Variants in CAST observed in about 807,000 individuals in gnomAD.
CAST encodes the protein MIR583 host.
In CAST, 76 loss-of-function variants were observed where a neutral mutation model predicts 119.6. The observed-to-expected ratio is 0.64, with a 90% confidence interval of 0.53 to 0.77. CAST has a LOEUF of 0.77. CAST is among the 30% of genes least tolerant of loss of function. The pLI is 0.00. For missense variants in CAST, 953 were observed against 946.5 expected, an observed-to-expected ratio of 1.01 and a Z score of -0.09; for synonymous variants, 319 against 331.6, an observed-to-expected ratio of 0.96 and a Z score of 0.41.
chr5:96,467,990 C>T, the CAST span, among the ~76,000 whole-genome samples: 1 of 151,966 alleles, frequency 6.6e-6, no homozygotes, highest in Non-Finnish European at 1.5e-5. Flanking sequence ...AACCTAAGCG[C>T]GCATCAACTG....
At chr5:96,031,285 T>C in the CAST span, among the ~76,000 whole-genome samples, 1 of 151,338 alleles carries the variant, frequency 6.6e-6, no homozygotes, top group Non-Finnish European at 1.5e-5. Context: ...TAGAGGAAGA[T>C]TAAATTCCAT....
the CAST span, among the ~76,000 whole-genome samples, chr5:96,043,316 T>A: frequency 6.6e-6 from 1 of 152,164 alleles, no homozygotes; most frequent in African/African-American, 2.4e-5. Flanking sequence ...ATTAACCTCA[T>A]AGTCAATAAG....
the CAST span, among the ~76,000 whole-genome samples, chr5:96,254,793 TA>T: frequency 6.6e-6 from 1 of 152,148 alleles, no homozygotes. Flanking sequence ...TATTTTGGAA[TA>T]GGTGAAGATT....
chr5:96,621,259 A>G (rs1001680845), intron 1 of CAST, among the ~76,000 whole-genome samples: 1 of 152,244 alleles, frequency 6.6e-6, no homozygotes, highest in Admixed American at 6.5e-5. Flanking sequence ...TGGTGGCTAT[A>G]TCAGTTCAGC....
chr5:96,135,739 C>T, the CAST span, among the ~76,000 whole-genome samples: 1 of 152,076 alleles, frequency 6.6e-6, no homozygotes, highest in African/African-American at 2.4e-5. Context: ...AGCCTTTTCC[C>T]TATTTTCTTT....
chr5:96,510,693 A>C, the CAST span, among the ~76,000 whole-genome samples: 1 of 152,232 alleles, frequency 6.6e-6, no homozygotes, highest in Non-Finnish European at 1.5e-5. Flanking sequence ...TAATTCTTGA[A>C]ACAATTGTTA....
At chr5:96,664,063 G>A (rs1186821025) in intron 1 of CAST, among the ~76,000 whole-genome samples, 1 of 152,060 alleles carries the variant, frequency 6.6e-6, no homozygotes, top group Non-Finnish European at 1.5e-5. Context: ...TTGGCATGTG[G>A]TATTGGAAAA....
At chr5:96,100,590 C>T in the CAST span, among the ~76,000 whole-genome samples, 2 of 152,174 alleles carry the variant, frequency 1.3e-5, no homozygotes, top group Admixed American at 6.5e-5. Context: ...CTTGTGCACT[C>T]TCTACCTGGG....
At chr5:96,412,605 G>A in the CAST span, 5 of 946,528 alleles carry the variant, frequency 5.3e-6, no homozygotes, top group East Asian at 2.6e-5. Flanking sequence ...CAAAAACCAG[G>A]TAACTACTAG....
chr5:96,583,843 G>T (rs2150189882), intron 1 of CAST, among the ~76,000 whole-genome samples: 1 of 152,308 alleles, frequency 6.6e-6, no homozygotes, highest in Non-Finnish European at 1.5e-5. Flanking sequence ...CCACTAGTGA[G>T]AACCAAGGTA....
the CAST span, among the ~76,000 whole-genome samples, chr5:96,150,426 A>G: frequency 1.3e-5 from 2 of 152,122 alleles, no homozygotes; most frequent in African/African-American, 4.8e-5. Flanking sequence ...CACTGCAGGG[A>G]GGAGCTGTGT....
chr5:96,668,387 T>A (rs1163797854), intron 1 of CAST, among the ~76,000 whole-genome samples: 4 of 152,246 alleles, frequency 2.6e-5, no homozygotes, highest in Non-Finnish European at 5.9e-5. Context: ...ATAAGGTTCC[T>A]TTGTACTTTA....
the CAST span, among the ~76,000 whole-genome samples, chr5:96,191,737 T>A: frequency 6.6e-6 from 1 of 152,160 alleles, no homozygotes; most frequent in Non-Finnish European, 1.5e-5. Context: ...ACCCAGCTAA[T>A]TTTTGTATTT....
chr5:96,392,841 C>T, the CAST span: 2 of 724,434 alleles, frequency 2.8e-6, no homozygotes, highest in Non-Finnish European at 4.8e-6. Flanking sequence ...TGCTTGAGCT[C>T]ATCCCCTTCA....
chr5:96,762,225 C>T (rs1561605578), intron 24 of CAST, 49 bp from the exon 25 acceptor site: 9 of 1,246,402 alleles, frequency 7.2e-6, no homozygotes, highest in South Asian at 1.4e-5. Context: ...GCATTGTGCT[C>T]ATAATTTTAT....
intron 1 of CAST, among the ~76,000 whole-genome samples, chr5:96,530,413 C>T (rs1745670788): frequency 6.6e-6 from 1 of 152,094 alleles, no homozygotes; most frequent in South Asian, 2.1e-4. Context: ...GAGGGTGATA[C>T]TGGAAACCAA....
At chr5:96,077,213 A>G in the CAST span, among the ~76,000 whole-genome samples, 1 of 152,084 alleles carries the variant, frequency 6.6e-6, no homozygotes, top group African/African-American at 2.4e-5. Flanking sequence ...ATACCTTTTT[A>G]TTTTATTATT....
chr5:96,435,859 A>G, the CAST span, among the ~76,000 whole-genome samples: 1 of 152,246 alleles, frequency 6.6e-6, no homozygotes, highest in African/African-American at 2.4e-5. Flanking sequence ...ATAGATCACC[A>G]TATCTCTTTA....
chr5:96,178,599 T>A, the CAST span, among the ~76,000 whole-genome samples: 2 of 152,200 alleles, frequency 1.3e-5, no homozygotes, highest in African/African-American at 4.8e-5. Context: ...CTTTGCAGGA[T>A]ATTTCTCAGT....
Sources: gnomAD v4.1 joint callset for allele counts (sites outside exome capture counted in the v4.1 genomes callset) on GRCh38, gnomAD v4.1.1 for gene constraint, MANE v1.5 for transcripts, NCBI Gene and HGNC (gene_info 2026-07-23, HGNC 2026-07-21) for gene names.